ENTPD1: variants seen among roughly 807,000 people sequenced by gnomAD.
The protein encoded by ENTPD1 is ectonucleoside triphosphate diphosphohydrolase 1.
A neutral mutation model predicts 57.0 loss-of-function variants in ENTPD1; 33 were observed. That is an observed-to-expected ratio of 0.58 (90% CI 0.44 to 0.77). The LOEUF (loss-of-function observed/expected upper bound fraction) is 0.77. Ranked by LOEUF, ENTPD1 falls within the 30% of genes least tolerant of loss-of-function variation. The pLI is 0.00. For missense variants in ENTPD1, 501 were observed against 603.4 expected (o/e 0.83, Z 1.78); for synonymous variants, 202 against 218.8 (o/e 0.92, Z 0.68).
intron 2 of ENTPD1, among the ~76,000 whole-genome samples, chr10:95,837,008 G>A (rs2098411427): frequency 6.6e-6 from 1 of 152,196 alleles, no homozygotes; most frequent in African/African-American, 2.4e-5. Context: ...AGTGTACTGT[G>A]TACACAAGAT....
chr10:95,847,018 A>G (rs923357004), intron 6 of ENTPD1, among the ~76,000 whole-genome samples: 2 of 152,080 alleles, frequency 1.3e-5, no homozygotes, highest in African/African-American at 4.8e-5. Context: ...CTTGGATAGG[A>G]GAATGCTTGA....
chr10:95,794,828 A>G (rs1379310262), intron 1 of ENTPD1, among the ~76,000 whole-genome samples: 2 of 152,152 alleles, frequency 1.3e-5, no homozygotes, highest in African/African-American at 4.8e-5. Context: ...GGCAGAGTAC[A>G]TAAATTGTGC....
chr10:95,712,016 G>C lies in ENTPD1; in HGVS notation c.37+23G>C, dbSNP rs1210230911. ...AGGGTAAGAAATTCTTACCAGTCAGGCTCCCGGCCTCTCTCCCTCTGTGGA... is the reference window on the plus strand; with the variant it reads ...AGGGTAAGAAATTCTTACCAGTCAGCCTCCCGGCCTCTCTCCCTCTGTGGA... On this transcript the variant is annotated intron_variant, in intron 1 of 9. Transcript: ENST00000453258. 3.7e-6 allele frequency: 6 copies of C among 1,613,694 alleles called. No individual in the cohort carries two copies. In the African/African-American group the frequency reaches 6.7e-5, roughly 18 times the overall value.
rs2098482769 is a variant in ENTPD1 at position 95,873,575 on chromosome 10, GT to G, written c.*7195del. 1.0e-6 allele frequency: 1 copy of G among 985,434 alleles called. No individual in the cohort carries two copies. The highest frequency in any genetic ancestry group is 1.2e-6 in the Non-Finnish European group (1 of 829,944). 61.0% of individuals were successfully genotyped at this position (985,434 alleles called of 1,614,324 possible). A position where few individuals can be genotyped will look rare whatever the true frequency, so the allele number is the denominator to read the frequency against. Reference sequence around the variant, plus strand: ...AGCTCACACGCATCCTTTAAAAATGGTTTAGAAGTTTAGCTGGTTTCTTATT... The same window carrying G: ...AGCTCACACGCATCCTTTAAAAATGGTTAGAAGTTTAGCTGGTTTCTTATT... On this transcript the variant is annotated 3_prime_UTR_variant, in exon 10 of 10. Coordinates refer to ENST00000371205, the MANE Select transcript of ENTPD1 (RefSeq NM_001776.6).
intron 1 of ENTPD1, among the ~76,000 whole-genome samples, chr10:95,800,694 C>T (rs1421079352): frequency 6.6e-6 from 1 of 152,180 alleles, no homozygotes. Context: ...ATTTCTCCTA[C>T]TCACACATCT....
chr10:95,743,448 T>C (rs1476059311), intron 1 of ENTPD1, among the ~76,000 whole-genome samples: 1 of 152,202 alleles, frequency 6.6e-6, no homozygotes, highest in African/African-American at 2.4e-5. Context: ...AAGAAGTCAC[T>C]ATGCAGGCCA....
At chr10:95,780,190 T>C (rs2098151204) in intron 1 of ENTPD1, among the ~76,000 whole-genome samples, 1 of 152,238 alleles carries the variant, frequency 6.6e-6, no homozygotes. Flanking sequence ...GTTGAGGTGA[T>C]GATATTGAAC....
intron 7 of ENTPD1, among the ~76,000 whole-genome samples, chr10:95,857,592 A>G (rs1472658390): frequency 1.3e-5 from 2 of 152,250 alleles, no homozygotes; most frequent in African/African-American, 4.8e-5. Flanking sequence ...ATAAACAGGA[A>G]GAACTTTTCC....
At chr10:95,778,065 C>T (rs11188483) in intron 1 of ENTPD1, among the ~76,000 whole-genome samples, 1 of 152,276 alleles carries the variant, frequency 6.6e-6, no homozygotes, top group East Asian at 1.9e-4. Flanking sequence ...CTTCCCTTGG[C>T]TAGGAAAGGG....
Position 95,765,285 on chromosome 10 carries a change from C to T in ENTPD1, c.16+9030C>T, listed in dbSNP as rs558748464. ...CCTAATCCAAAGTCATGAAGATATACATCTATATTTTCTTCAAAGAGCTAC... is the reference window on the plus strand; with the variant it reads ...CCTAATCCAAAGTCATGAAGATATATATCTATATTTTCTTCAAAGAGCTAC... On this transcript the variant is annotated intron_variant, in intron 1 of 9. Coordinates refer to ENST00000371205, the MANE Select transcript of ENTPD1 (RefSeq NM_001776.6). Among the ~76,000 whole-genome samples the T allele has an allele frequency of 3.3e-5, 5 of 152,276 alleles. No individual in the cohort carries two copies. In the East Asian group the frequency reaches 7.7e-4, roughly 23 times the overall value.
chr10:95,783,840 T>C (rs529024817), intron 1 of ENTPD1, among the ~76,000 whole-genome samples: 1 of 152,278 alleles, frequency 6.6e-6, no homozygotes, highest in East Asian at 1.9e-4. Flanking sequence ...CAAGTATTTA[T>C]GGTTGCCTGG....
At chr10:95,860,922 G>T (rs1320342553) in intron 8 of ENTPD1, among the ~76,000 whole-genome samples, 1 of 152,220 alleles carries the variant, frequency 6.6e-6, no homozygotes, top group Non-Finnish European at 1.5e-5. Flanking sequence ...GGTGGCTGTG[G>T]CTTCAGGCAT....
At chr10:95,851,465 A>G (rs2098444944) in intron 7 of ENTPD1, among the ~76,000 whole-genome samples, 1 of 152,006 alleles carries the variant, frequency 6.6e-6, no homozygotes, top group Admixed American at 6.6e-5. Flanking sequence ...GTTCTAGGGT[A>G]CATGTACACA....
upstream of ENTPD1, among the ~76,000 whole-genome samples, chr10:95,751,110 A>G (rs868008989): frequency 2.2e-4 from 33 of 152,200 alleles, no homozygotes; most frequent in African/African-American, 7.2e-4. Flanking sequence ...GAAGCCTATA[A>G]CAGGAAATGA....
chr10:95,817,154 G>A (rs1290423592), intron 1 of ENTPD1, among the ~76,000 whole-genome samples: 2 of 152,158 alleles, frequency 1.3e-5, no homozygotes, highest in Non-Finnish European at 2.9e-5. Context: ...TGTTGGCTCG[G>A]TGACCCTTCC....
rs2098486162 is a variant in ENTPD1 at position 95,876,743 on chromosome 10, C to T, written c.*10360C>T. 1.2e-6 allele frequency: 1 copy of T among 845,444 alleles called. No homozygotes were observed. Among genetic ancestry groups the T allele is most frequent in the African/African-American group, 1.8e-5 (1 of 56,776 alleles). 52.4% of individuals were successfully genotyped at this position (845,444 alleles called of 1,614,324 possible). ...CAAAGTAGAAAAATATAATACACAT[C>T]CATGTGCCCATCACAGAACTTCACT... is the stretch of plus-strand genomic sequence containing the variant. On this transcript the variant is annotated 3_prime_UTR_variant, in exon 10 of 10. Coordinates refer to ENST00000371205, the MANE Select transcript of ENTPD1 (RefSeq NM_001776.6).
chr10:95,704,577 C>A, the ENTPD1 span, among the ~76,000 whole-genome samples: 1 of 152,016 alleles, frequency 6.6e-6, no homozygotes, highest in African/African-American at 2.4e-5. Context: ...TGTGCTGTAC[C>A]AATTGGATAT....
At chr10:95,799,910 G>T (rs751273014) in intron 1 of ENTPD1, among the ~76,000 whole-genome samples, 1 of 152,014 alleles carries the variant, frequency 6.6e-6, no homozygotes, top group Non-Finnish European at 1.5e-5. Flanking sequence ...TTATATGATT[G>T]TTGGCCACAT....
At chr10:95,750,562 C>T (rs1467775974) in intron 1 of ENTPD1, among the ~76,000 whole-genome samples, 2 of 130,972 alleles carry the variant, frequency 1.5e-5, no homozygotes, top group Non-Finnish European at 3.3e-5. Flanking sequence ...ACTGCAGAGC[C>T]ATGAGCCAAT....
Sources: gnomAD v4.1 joint callset for allele counts (sites outside exome capture counted in the v4.1 genomes callset) on GRCh38, gnomAD v4.1.1 for gene constraint, MANE v1.5 for transcripts, NCBI Gene and HGNC (gene_info 2026-07-23, HGNC 2026-07-21) for gene names.